Variants in PDE8A observed in about 807,000 individuals in gnomAD.
The protein encoded by PDE8A is high affinity cAMP-specific and IBMX-insensitive 3',5'-cyclic phosphodiesterase 8A.
PDE8A carries 59 observed loss-of-function variants against 105.0 expected under a neutral mutation model. The observed-to-expected ratio is 0.56, with a 90% CI of 0.46 to 0.70. PDE8A has a LOEUF of 0.70. PDE8A is among the 30% of genes least tolerant of loss of function. The pLI, the probability that PDE8A is intolerant of heterozygous loss-of-function variation, is 0.00. For synonymous variants in PDE8A, 355 were observed against 371.9 expected (o/e 0.95, Z 0.52); for missense variants, 1,014 against 1,045.9 (o/e 0.97, Z 0.42).
At chr15:85,092,296 C>T (rs1035521881) in intron 8 of PDE8A, among the ~76,000 whole-genome samples, 2 of 151,664 alleles carry the variant, frequency 1.3e-5, no homozygotes, top group African/African-American at 4.9e-5. Flanking sequence ...ATTTTGCCTT[C>T]AACTTTTCTG....
intron 8 of PDE8A, among the ~76,000 whole-genome samples, chr15:85,091,795 T>C (rs1316529181): frequency 6.6e-6 from 1 of 152,040 alleles, no homozygotes; most frequent in Non-Finnish European, 1.5e-5. Context: ...AGGTTATTTC[T>C]GTGAACCACA....
intron 1 of PDE8A, among the ~76,000 whole-genome samples, chr15:85,054,136 G>T (rs897476921): frequency 6.6e-6 from 1 of 152,156 alleles, no homozygotes; most frequent in Non-Finnish European, 1.5e-5. Flanking sequence ...GTTTTTGTAT[G>T]TTGAACCAGT....
chr15:85,093,148 G>A (rs192696611), intron 8 of PDE8A, among the ~76,000 whole-genome samples: 10 of 152,224 alleles, frequency 6.6e-5, no homozygotes, highest in South Asian at 6.2e-4. Flanking sequence ...CAAGCAGTCC[G>A]ATAATCGGCC....
intron 20 of PDE8A, among the ~76,000 whole-genome samples, chr15:85,134,895 G>A (rs1226123437): frequency 6.6e-6 from 1 of 152,202 alleles, no homozygotes. Context: ...GTGTAGTAAG[G>A]AAGATGGGAG....
intron 5 of PDE8A, among the ~76,000 whole-genome samples, chr15:85,078,192 G>C (rs762827477): frequency 4.7e-4 from 68 of 146,160 alleles, no homozygotes; most frequent in Non-Finnish European, 8.8e-4. Flanking sequence ...ACAGGTAAAA[G>C]ATTACCTTCA....
At chr15:84,991,227 A>G (rs778647903) in intron 1 of PDE8A, among the ~76,000 whole-genome samples, 6 of 152,220 alleles carry the variant, frequency 3.9e-5, no homozygotes, top group African/African-American at 1.4e-4. Context: ...GCAGACTGGA[A>G]GAAGACATTT....
At position 85,073,882 on chromosome 15, in the gene PDE8A, C is replaced by T. The variant is rs116552608; in HGVS notation, c.435-1980C>T. 4.5e-3 allele frequency among the ~76,000 whole-genome samples: 692 copies of T among 152,302 alleles called. 9 individuals are homozygous for T. Among genetic ancestry groups the T allele is most frequent in the African/African-American group, 0.016 (656 of 41,566 alleles). ...GCTCTTCCCCAGGAAGCTGAGCCTG[C>T]CTGCTCTCCCCAGTCAGGGGGACCA... On this transcript the variant is annotated intron_variant, in intron 3 of 21. Transcript: ENST00000394553.
chr15:85,095,286 T>C (rs2141546045), intron 8 of PDE8A, among the ~76,000 whole-genome samples: 1 of 152,282 alleles, frequency 6.6e-6, no homozygotes, highest in East Asian at 1.9e-4. Flanking sequence ...TTACCCAACC[T>C]AATCTTCATG....
chr15:85,075,651 A>G (rs2304416), intron 3 of PDE8A, among the ~76,000 whole-genome samples: 36,094 of 152,114 alleles, frequency 0.24, 4,705 homozygotes, highest in African/African-American at 0.34. Context: ...CTCCATAATC[A>G]TTACAGTTAA....
chr15:85,122,568 CTT>C (rs748772867), intron 18 of PDE8A, among the ~76,000 whole-genome samples: 1 of 152,136 alleles, frequency 6.6e-6, no homozygotes, highest in Non-Finnish European at 1.5e-5. Context: ...TGAATAGAGA[CTT>C]TGTTTCATAT....
intron 12 of PDE8A, among the ~76,000 whole-genome samples, chr15:85,111,582 C>T (rs1263829742): frequency 6.6e-6 from 1 of 152,208 alleles, no homozygotes; most frequent in Non-Finnish European, 1.5e-5. Context: ...ACCAATATCA[C>T]AATCAGTTAC....
At chr15:85,024,541 C>T (rs2080481791) in intron 1 of PDE8A, among the ~76,000 whole-genome samples, 1 of 150,782 alleles carries the variant, frequency 6.6e-6, no homozygotes, top group Non-Finnish European at 1.5e-5. Context: ...TTTCATCTTG[C>T]TTAGGCTTTT....
chr15:85,089,424 A>G lies in PDE8A; in HGVS notation c.714+8A>G. On this transcript the variant is annotated splice_region_variant and intron_variant, in intron 7 of 21. Transcript: ENST00000394553. ...GAAGACCGTTTTATACAGGTTTGTTATTTTGGAAATCTGTCTTTCTGGATT... is the reference window on the plus strand; with the variant it reads ...GAAGACCGTTTTATACAGGTTTGTTGTTTTGGAAATCTGTCTTTCTGGATT... 10 of 1,495,478 alleles carry G rather than the reference A, an allele frequency of 6.7e-6. No individual in the cohort carries two copies. Among genetic ancestry groups the G allele is most frequent in the Non-Finnish European group, 9.2e-6 (10 of 1,081,904 alleles). The allele number at this position is 1,495,478 out of a possible 1,614,324, so 92.6% of individuals were successfully genotyped here.
intron 1 of PDE8A, among the ~76,000 whole-genome samples, chr15:84,992,482 A>G (rs906510482): frequency 1.8e-4 from 27 of 152,094 alleles, no homozygotes; most frequent in African/African-American, 6.5e-4. Flanking sequence ...ACCTCAGAGA[A>G]CTCCCAAAGG....
chr15:85,110,036 C>G (rs2141592147), intron 12 of PDE8A, among the ~76,000 whole-genome samples: 1 of 152,306 alleles, frequency 6.6e-6, no homozygotes, highest in Non-Finnish European at 1.5e-5. Flanking sequence ...ATTGCCTTAT[C>G]TGTAAAGTGG....
intron 3 of PDE8A, among the ~76,000 whole-genome samples, chr15:85,070,601 A>G (rs2081296752): frequency 6.6e-6 from 1 of 152,214 alleles, no homozygotes; most frequent in Non-Finnish European, 1.5e-5. Flanking sequence ...TGTTCCAGGT[A>G]GAGGGAGCGG....
At chr15:85,093,444 G>A (rs2081683346) in intron 8 of PDE8A, among the ~76,000 whole-genome samples, 1 of 152,194 alleles carries the variant, frequency 6.6e-6, no homozygotes, top group Non-Finnish European at 1.5e-5. Flanking sequence ...ACTGTGATCA[G>A]GAAGGGGAAT....
At chr15:84,991,264 A>T (rs1389544616) in intron 1 of PDE8A, among the ~76,000 whole-genome samples, 4 of 152,236 alleles carry the variant, frequency 2.6e-5, no homozygotes, top group Non-Finnish European at 5.9e-5. Context: ...ATAAAGGATT[A>T]GTATTCAGAG....
intron 1 of PDE8A, among the ~76,000 whole-genome samples, chr15:85,002,480 T>C (rs1039878896): frequency 2.0e-5 from 3 of 152,226 alleles, no homozygotes; most frequent in Non-Finnish European, 2.9e-5. Context: ...TGTGGATGTG[T>C]TCTTGTTCAC....
Sources: gnomAD v4.1 joint callset for allele counts (sites outside exome capture counted in the v4.1 genomes callset) on GRCh38, gnomAD v4.1.1 for gene constraint, MANE v1.5 for transcripts, NCBI Gene and HGNC (gene_info 2026-07-23, HGNC 2026-07-21) for gene names.